UCN: variants seen among roughly 807,000 people sequenced by gnomAD.
The protein encoded by UCN is urocortin.
In UCN, 5 loss-of-function variants were observed where a neutral mutation model predicts 6.5. The observed-to-expected ratio is 0.77, with a 90% CI of 0.40 to 1.62. The LOEUF is 1.62. UCN is among the 40% of genes most tolerant of loss of function. The probability of loss-of-function intolerance (pLI) is 0.02; values close to 1 mark genes in which losing one functional copy is unlikely to be tolerated. For missense variants in UCN, 195 were observed against 188.8 expected (o/e 1.03, Z -0.19); for synonymous variants, 95 against 96.4 (o/e 0.99, Z 0.09).
At position 27,307,487 on chromosome 2, in the gene UCN, G is replaced by C. The variant is rs28364045; in HGVS notation, c.*34C>G. 2.5e-6 allele frequency: 4 copies of C among 1,611,700 alleles called. No homozygotes were observed. The Admixed American group carries it at 6.7e-5, about 27-fold the overall frequency. On this transcript the variant is annotated 3_prime_UTR_variant, in exon 2 of 2. Coordinates refer to ENST00000296099, the MANE Select transcript of UCN (RefSeq NM_003353.4). This position sits in a 1 kb window ranked among gnomAD's most constrained non-coding sequence, Gnocchi z 6.9. ...CATCCCAACTCTGGGGTGGGGGAAA[G>C]GGGTCAACGTTTTCGCAGCCCCAAA...
Position 27,307,444 on chromosome 2 carries a change from C to T in UCN, c.*77G>A. 2 of 1,597,750 alleles carry T rather than the reference C, an allele frequency of 1.3e-6. No individual in the cohort carries two copies. Among genetic ancestry groups the T allele is most frequent in the South Asian group, 2.2e-5 (2 of 89,744 alleles). On this transcript the variant is annotated 3_prime_UTR_variant, in exon 2 of 2. Coordinates refer to ENST00000296099, the MANE Select transcript of UCN (RefSeq NM_003353.4). The surrounding 1 kb of genome is among the most constrained non-coding windows in gnomAD (Gnocchi z 6.9). ...TAAAAAATAGTCACGCAGACAGTGC[C>T]CTGGTGGCTCTGCCCCGCATCCCAA...
In UCN at chr2:27,308,123, G is replaced by A. The variant is rs981193074; in HGVS notation, c.-14+37C>T. The A allele has an allele frequency of 2.4e-6, 1 of 425,144 alleles. No homozygotes were observed. Among genetic ancestry groups the A allele is most frequent in the Non-Finnish European group, 4.0e-6 (1 of 248,256 alleles). 26.3% of individuals were successfully genotyped at this position (425,144 alleles called of 1,614,324 possible). ...TGGCTGAGCTGAGCGGAGTCCTGGT[G>A]CAGGGGGAGGCTGGGCGGACGCTCT... On this transcript the variant is annotated intron_variant, in intron 1 of 1. Coordinates refer to ENST00000296099, the MANE Select transcript of UCN (RefSeq NM_003353.4). The surrounding 1 kb of genome is among the most constrained non-coding windows in gnomAD (Gnocchi z 4.2).
chr2:27,308,439 G>A lies in UCN; in HGVS notation c.-293C>T, dbSNP rs572912045. 2 of 152,614 alleles carry A rather than the reference G, an allele frequency of 1.3e-5. No homozygotes were observed. Among genetic ancestry groups the A allele is most frequent in the East Asian group, 3.9e-4 (2 of 5,184 alleles). The allele number at this position is 152,614 out of a possible 1,614,324, so 9.5% of individuals were successfully genotyped here. A position where few individuals can be genotyped will look rare whatever the true frequency, so the allele number is the denominator to read the frequency against. ...TGGGGCTAGCGCTGGAAGCAGCACT[G>A]GACGCAGGAAAGCGAGAAGCCGGCT... On this transcript the variant is annotated 5_prime_UTR_variant, in exon 1 of 2. Coordinates refer to ENST00000296099, the MANE Select transcript of UCN (RefSeq NM_003353.4). This position sits in a 1 kb window ranked among gnomAD's most constrained non-coding sequence, Gnocchi z 4.2.
At position 27,307,873 on chromosome 2, in the gene UCN, G is replaced by A. The variant is rs951829286; in HGVS notation, c.23C>T (p.Ala8Val). Residue 8 changes from alanine to valine, a missense_variant, in exon 2 of 2, where the codon GCG becomes GTG. Ala to Val is a moderately conservative substitution (Grantham distance 64, BLOSUM62 0). Coordinates refer to ENST00000296099, the MANE Select transcript of UCN (RefSeq NM_003353.4). The surrounding 1 kb of genome is among the most constrained non-coding windows in gnomAD (Gnocchi z 6.9). MRQAGRA[A>V]LLAALLLLVQ... Reference sequence around the variant, plus strand: ...CAGGAGCAGCAGCGCGGCCAGCAGCGCTGCGCGTCCCGCCTGCCTCATGGT... The same window carrying A: ...CAGGAGCAGCAGCGCGGCCAGCAGCACTGCGCGTCCCGCCTGCCTCATGGT... 1.2e-5 allele frequency: 18 copies of A among 1,484,298 alleles called. No individual in the cohort carries two copies. In the African/African-American group the frequency reaches 2.3e-4, roughly 19 times the overall value. The allele number at this position is 1,484,298 out of a possible 1,614,324, so 91.9% of individuals were successfully genotyped here.
rs1679260547 is a variant in UCN, at chr2:27,307,467, CAA to C, written c.*52_*53del. 6.2e-7 allele frequency: 1 copy of C among 1,608,288 alleles called. No individual in the cohort carries two copies. The highest frequency in any genetic ancestry group is 8.5e-7 in the Non-Finnish European group (1 of 1,178,588). On this transcript the variant is annotated 3_prime_UTR_variant, in exon 2 of 2. Coordinates refer to ENST00000296099, the MANE Select transcript of UCN (RefSeq NM_003353.4). The surrounding 1 kb of genome is among the most constrained non-coding windows in gnomAD (Gnocchi z 6.9). Reference sequence around the variant, plus strand: ...GCCCTGGTGGCTCTGCCCCGCATCCCAACTCTGGGGTGGGGGAAAGGGGTCAA... The same window carrying C: ...GCCCTGGTGGCTCTGCCCCGCATCCCCTCTGGGGTGGGGGAAAGGGGTCAA...
Position 27,307,706 on chromosome 2 carries a change from G to GC in UCN, c.189dup (p.Arg64AlafsTer27). The stretch of plus-strand genomic sequence containing the variant: ...CCCAATCGGCCGGGCCCCGCGCGGC[G>GC]CGGGAAGCGCTCCGCCAGCAGCAAG... On this transcript the variant is annotated frameshift_variant, in exon 2 of 2. Coordinates refer to ENST00000296099, the MANE Select transcript of UCN (RefSeq NM_003353.4). LOFTEE classifies it high-confidence loss of function. The surrounding 1 kb of genome is among the most constrained non-coding windows in gnomAD (Gnocchi z 6.9). 2 of 1,549,836 alleles carry GC rather than the reference G, an allele frequency of 1.3e-6. No homozygotes were observed. The highest frequency in any genetic ancestry group is 1.7e-6 in the Non-Finnish European group (2 of 1,150,032).
In UCN at chr2:27,307,584, C is replaced by T. The variant is rs986137361; in HGVS notation, c.312G>A (p.Arg104=). 1.2e-6 allele frequency: 2 copies of T among 1,612,900 alleles called. No individual in the cohort carries two copies. Among genetic ancestry groups the T allele is most frequent in the Non-Finnish European group, 1.7e-6 (2 of 1,179,964 alleles). ...HLLRTLLELA[R]TQSQRERAEQ... ...CGGCGCGCTCCCGCTGGCTCTGCGT[C>T]CGCGCCAGCTCCAGCAGGGTCCGCA... The change falls in exon 2 of 2, where the codon CGG becomes CGA. Residue 104 remains arginine, a synonymous_variant. Coordinates refer to ENST00000296099, the MANE Select transcript of UCN (RefSeq NM_003353.4). This position sits in a 1 kb window ranked among gnomAD's most constrained non-coding sequence, Gnocchi z 6.9.
Position 27,307,806 on chromosome 2 carries a change from C to G in UCN, c.90G>C (p.Ala30=). 1 of 1,506,654 alleles carries G rather than the reference C, an allele frequency of 6.6e-7. No individual in the cohort carries two copies. The highest frequency in any genetic ancestry group is 8.8e-7 in the Non-Finnish European group (1 of 1,133,004). 93.3% of individuals were successfully genotyped at this position (1,506,654 alleles called of 1,614,324 possible). A position where few individuals can be genotyped will look rare whatever the true frequency, so the allele number is the denominator to read the frequency against. ...GCAGACTCGGGTCCTGGACCCCGGC[C>G]GCCTCGGGGCTCCTCTGGCTGCTCC... ...CPGSSQRSPE[A]AGVQDPSLRW... The change falls in exon 2 of 2, where the codon GCG becomes GCC. Residue 30 remains alanine, a synonymous_variant. Coordinates refer to ENST00000296099, the MANE Select transcript of UCN (RefSeq NM_003353.4). This position sits in a 1 kb window ranked among gnomAD's most constrained non-coding sequence, Gnocchi z 6.9.
At position 27,307,738 on chromosome 2, in the gene UCN, G is replaced by A. The variant is rs1187519334; in HGVS notation, c.158C>T (p.Ala53Val). 2 of 1,509,572 alleles carry A rather than the reference G, an allele frequency of 1.3e-6. No individual in the cohort carries two copies. Among genetic ancestry groups the A allele is most frequent in the Admixed American group, 2.3e-5 (1 of 43,988 alleles). The allele number at this position is 1,509,572 out of a possible 1,614,324, so 93.5% of individuals were successfully genotyped here. Residue 53 changes from alanine (A) to valine (V), a missense_variant, in exon 2 of 2, where the codon GCG becomes GTG. Transcript: ENST00000296099. The surrounding 1 kb of genome is among the most constrained non-coding windows in gnomAD (Gnocchi z 6.9). ...GCGCTCCGCCAGCAGCAAGAGGAGC[G>A]CGCGGGCCCCGCCACCCTGGTTCCG... ...GARNQGGGAR[A>V]LLLLLAERFP...
In UCN at chr2:27,307,440, G is replaced by C; in HGVS notation, c.*81C>G. The C allele has an allele frequency of 6.3e-7, 1 of 1,590,514 alleles. No homozygotes were observed. The highest frequency in any genetic ancestry group is 8.5e-7 in the Non-Finnish European group (1 of 1,169,838). ...TTATTAAAAAATAGTCACGCAGACA[G>C]TGCCCTGGTGGCTCTGCCCCGCATC... is the stretch of plus-strand genomic sequence containing the variant. On this transcript the variant is annotated 3_prime_UTR_variant, in exon 2 of 2. Coordinates refer to ENST00000296099, the MANE Select transcript of UCN (RefSeq NM_003353.4). The surrounding 1 kb of genome is among the most constrained non-coding windows in gnomAD (Gnocchi z 6.9).
chr2:27,307,918 C>T lies in UCN; in HGVS notation c.-13-10G>A. 2.1e-6 allele frequency: 3 copies of T among 1,429,234 alleles called. No homozygotes were observed. The allele number at this position is 1,429,234 out of a possible 1,614,324, so 88.5% of individuals were successfully genotyped here. ...CATGGTGCCGCCGGCCCTGGACACA[C>T]AGGGGCAGCGCAGGGTGAGGTGCGC... On this transcript the variant is annotated splice_polypyrimidine_tract_variant and intron_variant, in intron 1 of 1. Transcript: ENST00000296099. This position sits in a 1 kb window ranked among gnomAD's most constrained non-coding sequence, Gnocchi z 6.9.
chr2:27,308,181 A>G lies in UCN; in HGVS notation c.-35T>C. 3.0e-6 allele frequency: 1 copy of G among 336,216 alleles called. No individual in the cohort carries two copies. Among genetic ancestry groups the G allele is most frequent in the Non-Finnish European group, 5.3e-6 (1 of 187,362 alleles). The allele number at this position is 336,216 out of a possible 1,614,324, so 20.8% of individuals were successfully genotyped here. ...TCACAGGTTGTCGGCGAGCGTCTGT[A>G]CGGTCCAAGATTGAGCTCCAGTCTC... On this transcript the variant is annotated 5_prime_UTR_variant, in exon 1 of 2. Coordinates refer to ENST00000296099, the MANE Select transcript of UCN (RefSeq NM_003353.4). The surrounding 1 kb of genome is among the most constrained non-coding windows in gnomAD (Gnocchi z 4.2).
rs1336771397 is a variant in UCN, at chr2:27,307,850, GGAGCAGCAGCGC to G, written c.34_45del (p.Ala12_Leu15del). The G allele has an allele frequency of 5.4e-6, 8 of 1,494,128 alleles. No individual in the cohort carries two copies. Among genetic ancestry groups the G allele is most frequent in the Non-Finnish European group, 7.1e-6 (8 of 1,129,460 alleles). The allele number at this position is 1,494,128 out of a possible 1,614,324, so 92.6% of individuals were successfully genotyped here. Reference sequence around the variant, plus strand: ...CTGCTCCCAGGGCACAGCTGTACCAGGAGCAGCAGCGCGGCCAGCAGCGCTGCGCGTCCCGCC... The same window carrying G: ...CTGCTCCCAGGGCACAGCTGTACCAGGGCCAGCAGCGCTGCGCGTCCCGCC... On this transcript the variant is annotated inframe_deletion, in exon 2 of 2. Coordinates refer to ENST00000296099, the MANE Select transcript of UCN (RefSeq NM_003353.4). The surrounding 1 kb of genome is among the most constrained non-coding windows in gnomAD (Gnocchi z 6.9).
At position 27,307,930 on chromosome 2, in the gene UCN, A is replaced by C. The variant is rs1212955904; in HGVS notation, c.-13-22T>G. On this transcript the variant is annotated intron_variant, in intron 1 of 1. Coordinates refer to ENST00000296099, the MANE Select transcript of UCN (RefSeq NM_003353.4). The surrounding 1 kb of genome is among the most constrained non-coding windows in gnomAD (Gnocchi z 6.9). The stretch of plus-strand genomic sequence containing the variant: ...GGCCCTGGACACACAGGGGCAGCGC[A>C]GGGTGAGGTGCGCCTGGGACAGCTG... 1 of 1,383,726 alleles carries C rather than the reference A, an allele frequency of 7.2e-7. No individual in the cohort carries two copies. The highest frequency in any genetic ancestry group is 9.3e-7 in the Non-Finnish European group (1 of 1,074,322). 85.7% of individuals were successfully genotyped at this position (1,383,726 alleles called of 1,614,324 possible).
Position 27,307,401 on chromosome 2 carries a change from G to T in UCN, c.*120C>A. 1 of 1,458,486 alleles carries T rather than the reference G, an allele frequency of 6.9e-7. No homozygotes were observed. The highest frequency in any genetic ancestry group is 1.3e-5 in the South Asian group (1 of 74,102). 90.3% of individuals were successfully genotyped at this position (1,458,486 alleles called of 1,614,324 possible). ...CCTGCCTCTACGACAAAAGCCAACG[G>T]GTCTTCAGTACTTTTATTAAAAAAT... On this transcript the variant is annotated 3_prime_UTR_variant, in exon 2 of 2. Transcript: ENST00000296099. The surrounding 1 kb of genome is among the most constrained non-coding windows in gnomAD (Gnocchi z 6.9).
In UCN at chr2:27,307,700, C is replaced by T. The variant is rs1359116924; in HGVS notation, c.196G>A (p.Ala66Thr). 7.7e-6 allele frequency: 12 copies of T among 1,563,584 alleles called. No individual in the cohort carries two copies. Among genetic ancestry groups the T allele is most frequent in the African/African-American group, 1.4e-5 (1 of 72,282 alleles). Residue 66 changes from alanine (A) to threonine (T), a missense_variant, in exon 2 of 2, where the codon GCG becomes ACG. Ala to Thr is a moderately conservative substitution (Grantham distance 58). Transcript: ENST00000296099. This position sits in a 1 kb window ranked among gnomAD's most constrained non-coding sequence, Gnocchi z 6.9. ...CCGAGTCCCAATCGGCCGGGCCCCG[C>T]GCGGCGCGGGAAGCGCTCCGCCAGC... The part of the protein sequence containing the change: ...LLLAERFPRR[A>T]GPGRLGLGTA...
At position 27,307,874 on chromosome 2, in the gene UCN, C is replaced by G; in HGVS notation, c.22G>C (p.Ala8Pro). 1 of 1,482,914 alleles carries G rather than the reference C, an allele frequency of 6.7e-7. No homozygotes were observed. The highest frequency in any genetic ancestry group is 8.9e-7 in the Non-Finnish European group (1 of 1,124,928). The allele number at this position is 1,482,914 out of a possible 1,614,324, so 91.9% of individuals were successfully genotyped here. ...AGGAGCAGCAGCGCGGCCAGCAGCG[C>G]TGCGCGTCCCGCCTGCCTCATGGTG... MRQAGRAALLAALLLLVQ... is the reference protein window; with the variant it reads MRQAGRAPLLAALLLLVQ... Residue 8 changes from alanine to proline, a missense_variant, in exon 2 of 2, where the codon GCG (alanine) becomes CCG (proline). Coordinates refer to ENST00000296099, the MANE Select transcript of UCN (RefSeq NM_003353.4). The surrounding 1 kb of genome is among the most constrained non-coding windows in gnomAD (Gnocchi z 6.9).
In UCN at chr2:27,307,770, G is replaced by A. The variant is rs1432613223; in HGVS notation, c.126C>T (p.Pro42=). The stretch of plus-strand genomic sequence containing the variant: ...CCCCGCCACCCTGGTTCCGTGCCCC[G>A]GGGCTCCAGCGCAGACTCGGGTCCT... ...GVQDPSLRWS[P]GARNQGGGAR... is the part of the protein sequence containing the mutation. Residue 42 remains proline (P), a synonymous_variant, in exon 2 of 2, where the codon CCC becomes CCT. Transcript: ENST00000296099. This position sits in a 1 kb window ranked among gnomAD's most constrained non-coding sequence, Gnocchi z 6.9. The A allele has an allele frequency of 1.3e-6, 2 of 1,508,760 alleles. No homozygotes were observed. The highest frequency in any genetic ancestry group is 2.2e-5 in the Admixed American group (1 of 44,458). 93.5% of individuals were successfully genotyped at this position (1,508,760 alleles called of 1,614,324 possible).
chr2:27,308,139 C>T lies in UCN; in HGVS notation c.-14+21G>A, dbSNP rs988419429. On this transcript the variant is annotated intron_variant, in intron 1 of 1. Coordinates refer to ENST00000296099, the MANE Select transcript of UCN (RefSeq NM_003353.4). This position sits in a 1 kb window ranked among gnomAD's most constrained non-coding sequence, Gnocchi z 4.2. ...AGTCCTGGTGCAGGGGGAGGCTGGGCGGACGCTCTGAGCCACTCACAGGTT... is the reference window on the plus strand; with the variant it reads ...AGTCCTGGTGCAGGGGGAGGCTGGGTGGACGCTCTGAGCCACTCACAGGTT... 7.5e-6 allele frequency: 3 copies of T among 402,452 alleles called. No individual in the cohort carries two copies. The highest frequency in any genetic ancestry group is 2.1e-5 in the African/African-American group (1 of 47,234). 24.9% of individuals were successfully genotyped at this position (402,452 alleles called of 1,614,324 possible).
Sources: allele counts gnomAD v4.1 joint callset, GRCh38; gene constraint gnomAD v4.1.1; non-coding constraint Gnocchi (gnomAD v3.1); transcripts MANE v1.5; gene names NCBI Gene and HGNC (gene_info 2026-07-23, HGNC 2026-07-21).